EXOC4: variants seen among roughly 807,000 people sequenced by gnomAD.
EXOC4 encodes the protein exocyst complex component 4.
Under a neutral mutation model 107.2 loss-of-function variants are expected in EXOC4, and 71 were observed. The ratio of observed to expected loss-of-function variants is 0.66; its 90% confidence interval spans 0.55 to 0.81. The LOEUF (loss-of-function observed/expected upper bound fraction) is 0.81, where lower values mean the gene tolerates loss of function less well. Ranked by LOEUF, EXOC4 falls within the 30% of genes least tolerant of loss-of-function variation. EXOC4 has a pLI of 0.00. For missense variants in EXOC4, 1,108 were observed against 1,189.6 expected, an observed-to-expected ratio of 0.93 and a Z score of 1.01; for synonymous variants, 456 against 441.2, an observed-to-expected ratio of 1.03 and a Z score of -0.42.
intron 6 of EXOC4, among the ~76,000 whole-genome samples, chr7:133,365,134 G>A (rs1480601255): frequency 1.3e-5 from 2 of 152,146 alleles, no homozygotes; most frequent in Non-Finnish European, 2.9e-5. Flanking sequence ...TAGGTCACTT[G>A]AGAATCAAAT....
intron 9 of EXOC4, among the ~76,000 whole-genome samples, chr7:133,539,323 ATTATT>A (rs1193978932): frequency 6.6e-6 from 1 of 151,140 alleles, no homozygotes; most frequent in Non-Finnish European, 1.5e-5. Flanking sequence ...TTATTGTTTT[ATTATT>A]TTATTGTCTG....
intron 13 of EXOC4, among the ~76,000 whole-genome samples, chr7:133,923,420 C>G (rs1404740899): frequency 2.6e-5 from 4 of 152,110 alleles, no homozygotes; most frequent in Non-Finnish European, 5.9e-5. Context: ...CCATATCTCA[C>G]CAGCACTTAT....
intron 9 of EXOC4, chr7:133,481,057 G>GAAAA (rs10686907): frequency 4.9e-5 from 7 of 142,402 alleles, no homozygotes; most frequent in African/African-American, 5.2e-5. Context: ...CTCAAAAAAA[G>GAAAA]AAAAAAAAAA....
At chr7:133,615,470 C>G (rs1222320652) in intron 9 of EXOC4, among the ~76,000 whole-genome samples, 1 of 152,112 alleles carries the variant, frequency 6.6e-6, no homozygotes, top group African/African-American at 2.4e-5. Flanking sequence ...TGCTGGTCAA[C>G]AGTAGGCTAT....
chr7:133,458,383 C>G (rs928305616), intron 7 of EXOC4, among the ~76,000 whole-genome samples: 4 of 152,168 alleles, frequency 2.6e-5, no homozygotes, highest in Non-Finnish European at 5.9e-5. Flanking sequence ...CAAGTATATT[C>G]TTTCAAAGAA....
At chr7:133,389,955 A>G (rs1189663965) in intron 7 of EXOC4, among the ~76,000 whole-genome samples, 1 of 151,476 alleles carries the variant, frequency 6.6e-6, no homozygotes, top group Non-Finnish European at 1.5e-5. Flanking sequence ...ATCAGGTCTC[A>G]TGAGACTTAT....
chr7:133,902,120 A>G (rs1799465504), intron 12 of EXOC4, among the ~76,000 whole-genome samples: 1 of 152,176 alleles, frequency 6.6e-6, no homozygotes, highest in Non-Finnish European at 1.5e-5. Flanking sequence ...TCTGTTCAGA[A>G]TTTTGCCTAC....
intron 9 of EXOC4, among the ~76,000 whole-genome samples, chr7:133,613,806 G>C (rs1183916756): frequency 1.3e-5 from 2 of 152,108 alleles, no homozygotes; most frequent in African/African-American, 2.4e-5. Context: ...ATCTGGTATT[G>C]AAAAGGCAGC....
Position 134,007,850 on chromosome 7 carries a change from T to C in EXOC4, c.2687+15T>C. 6.2e-7 allele frequency: 1 copy of C among 1,604,408 alleles called. No individual in the cohort carries two copies. The highest frequency in any genetic ancestry group is 8.5e-7 in the Non-Finnish European group (1 of 1,174,458). On this transcript the variant is annotated intron_variant, in intron 17 of 17. Transcript: ENST00000253861. ...GACTTTGCAAGGTAGGAGGGAAAAC[T>C]GGGTTTAGTTTCTTATGCCAAAGCT...
intron 9 of EXOC4, among the ~76,000 whole-genome samples, chr7:133,610,845 T>C (rs1039243412): frequency 1.3e-5 from 2 of 151,060 alleles, no homozygotes; most frequent in South Asian, 4.2e-4. Context: ...AGGATCTCAC[T>C]CTGTCACCCA....
chr7:133,424,140 G>A (rs1057109343), intron 7 of EXOC4, among the ~76,000 whole-genome samples: 1 of 152,128 alleles, frequency 6.6e-6, no homozygotes, highest in Non-Finnish European at 1.5e-5. Flanking sequence ...ATAAAAGCAG[G>A]CCACCCGAGC....
rs1795029864 is a variant in EXOC4, at chr7:133,717,852, AT to A, written c.1514+87712del. On this transcript the variant is annotated intron_variant, in intron 10 of 17. Coordinates refer to ENST00000253861, the MANE Select transcript of EXOC4 (RefSeq NM_021807.4). The stretch of plus-strand genomic sequence containing the variant: ...AAGTTGCCTTAACTAAAGATGGTGT[AT>A]ATCTCAAAGCCTTGCTTTATTCACA... Among the ~76,000 whole-genome samples, 3 of 152,214 alleles carry A rather than the reference AT, an allele frequency of 2.0e-5. No homozygotes were observed. In the South Asian group the frequency reaches 6.2e-4, roughly 32 times the overall value.
At chr7:133,434,308 T>G (rs1474496074) in intron 7 of EXOC4, among the ~76,000 whole-genome samples, 4 of 152,176 alleles carry the variant, frequency 2.6e-5, no homozygotes, top group African/African-American at 9.7e-5. Flanking sequence ...AAAAGAAGGT[T>G]GTTTATTTCA....
chr7:134,049,936 A>T (rs28628257), intron 17 of EXOC4, among the ~76,000 whole-genome samples: 4,640 of 152,310 alleles, frequency 0.03, 225 homozygotes, highest in African/African-American at 0.1. Flanking sequence ...AATAAATACT[A>T]ATAATGGTAC....
intron 10 of EXOC4, among the ~76,000 whole-genome samples, chr7:133,807,874 C>T (rs1013566885): frequency 6.6e-6 from 1 of 152,158 alleles, no homozygotes; most frequent in African/African-American, 2.4e-5. Context: ...GCTTTTCAGT[C>T]TAGAGGGAAC....
At chr7:133,784,192 T>C (rs1328286354) in intron 10 of EXOC4, among the ~76,000 whole-genome samples, 1 of 152,162 alleles carries the variant, frequency 6.6e-6, no homozygotes, top group Non-Finnish European at 1.5e-5. Flanking sequence ...CATCATCTCT[T>C]ACTAGGCAAT....
chr7:133,513,292 C>T (rs970892818), intron 9 of EXOC4, among the ~76,000 whole-genome samples: 5 of 152,140 alleles, frequency 3.3e-5, no homozygotes, highest in Non-Finnish European at 7.3e-5. Flanking sequence ...TGGTCTCAAA[C>T]TCCTGAGCTC....
chr7:134,011,846 G>A (rs1489961950), intron 17 of EXOC4, among the ~76,000 whole-genome samples: 1 of 151,294 alleles, frequency 6.6e-6, no homozygotes, highest in Non-Finnish European at 1.5e-5. Context: ...GTCTAATGGA[G>A]GTAATCCGAA....
At chr7:133,320,893 C>T (rs1563017011) in intron 5 of EXOC4, among the ~76,000 whole-genome samples, 1 of 152,234 alleles carries the variant, frequency 6.6e-6, no homozygotes, top group East Asian at 1.9e-4. Context: ...ATGAAATATA[C>T]TATAATAAAA....
Sources: allele counts gnomAD v4.1 joint callset (sites outside exome capture counted in the v4.1 genomes callset), GRCh38; gene constraint gnomAD v4.1.1; transcripts MANE v1.5; gene names NCBI Gene and HGNC (gene_info 2026-07-23, HGNC 2026-07-21).